PTPRD: variants seen among roughly 807,000 people sequenced by gnomAD.
The protein encoded by PTPRD is protein tyrosine phosphatase receptor type D.
Under a neutral mutation model 214.5 loss-of-function variants are expected in PTPRD, and 34 were observed. That is an observed-to-expected ratio of 0.16 (90% CI 0.12 to 0.21). PTPRD has a LOEUF of 0.21. Among genes scored for constraint, PTPRD ranks in the 10% least tolerant of loss-of-function variants. The pLI is 1.00. For missense variants in PTPRD, 2,545 were observed against 2,398.7 expected (o/e 1.06, Z -1.27); for synonymous variants, 1,128 against 845.7 (o/e 1.33, Z -5.79).
At chr9:10,510,631 G>A (rs1162706346) in intron 2 of PTPRD, among the ~76,000 whole-genome samples, 1 of 152,008 alleles carries the variant, frequency 6.6e-6, no homozygotes, top group Admixed American at 6.6e-5. Context: ...ATTTTAACAT[G>A]AGCATGCAAG....
intron 13 of PTPRD, among the ~76,000 whole-genome samples, chr9:8,634,378 T>A (rs2096359784): frequency 6.6e-6 from 1 of 152,086 alleles, no homozygotes; most frequent in African/African-American, 2.4e-5. Context: ...TCACTGTGAA[T>A]ATTCCCATGT....
At chr9:8,811,509 C>T (rs2096802514) in intron 11 of PTPRD, among the ~76,000 whole-genome samples, 1 of 152,130 alleles carries the variant, frequency 6.6e-6, no homozygotes, top group Non-Finnish European at 1.5e-5. Flanking sequence ...TTAGCTATAA[C>T]CATAACCCAA....
At chr9:8,553,757 A>G (rs1415641929) in intron 14 of PTPRD, among the ~76,000 whole-genome samples, 2 of 152,100 alleles carry the variant, frequency 1.3e-5, no homozygotes, top group African/African-American at 2.4e-5. Flanking sequence ...ATGCTCAGAG[A>G]ACCTATATAA....
At chr9:9,157,727 A>G (rs2154492480) in intron 10 of PTPRD, among the ~76,000 whole-genome samples, 1 of 152,020 alleles carries the variant, frequency 6.6e-6, no homozygotes, top group South Asian at 2.1e-4. Context: ...TTCAACTTTT[A>G]TTTAAAGTTC....
At chr9:9,986,964 G>T (rs1017403670) in intron 4 of PTPRD, among the ~76,000 whole-genome samples, 5 of 151,844 alleles carry the variant, frequency 3.3e-5, no homozygotes, top group Non-Finnish European at 4.4e-5. Flanking sequence ...CCTATTTCCT[G>T]AACAGGAATA....
intron 10 of PTPRD, among the ~76,000 whole-genome samples, chr9:9,135,702 T>G (rs1326896003): frequency 6.6e-6 from 1 of 152,216 alleles, no homozygotes; most frequent in Non-Finnish European, 1.5e-5. Flanking sequence ...GTCAAAATAT[T>G]GTGAGCATAT....
intron 11 of PTPRD, among the ~76,000 whole-genome samples, chr9:8,808,459 C>A (rs1268779265): frequency 7.7e-6 from 1 of 130,584 alleles, no homozygotes; most frequent in Non-Finnish European, 1.6e-5. Context: ...AAAAGCCCCC[C>A]ACCTTTTTTT....
chr9:9,046,997 A>G (rs909205974), intron 10 of PTPRD, among the ~76,000 whole-genome samples: 6 of 152,180 alleles, frequency 3.9e-5, no homozygotes, highest in African/African-American at 1.4e-4. Flanking sequence ...TGCAGATGGT[A>G]TGATCTTATA....
intron 3 of PTPRD, among the ~76,000 whole-genome samples, chr9:10,328,277 T>A (rs1268796175): frequency 6.6e-6 from 1 of 151,742 alleles, no homozygotes; most frequent in African/African-American, 2.4e-5. Context: ...GAGACACATA[T>A]TAAGTTTTTT....
intron 8 of PTPRD, among the ~76,000 whole-genome samples, chr9:9,410,429 G>A (rs1306612839): frequency 1.3e-5 from 2 of 152,070 alleles, no homozygotes; most frequent in African/African-American, 2.4e-5. Flanking sequence ...TGTTTCCTAT[G>A]TCCAGCTTAC....
chr9:8,744,737 T>C (rs2092592876), intron 11 of PTPRD, among the ~76,000 whole-genome samples: 1 of 152,122 alleles, frequency 6.6e-6, no homozygotes, highest in African/African-American at 2.4e-5. Context: ...ATCTCAGAAA[T>C]CACCGCTAGA....
At chr9:8,609,807 C>A (rs1281775794) in intron 14 of PTPRD, among the ~76,000 whole-genome samples, 1 of 152,032 alleles carries the variant, frequency 6.6e-6, no homozygotes, top group African/African-American at 2.4e-5. Context: ...TGAGGTTTTC[C>A]CTTAATCATT....
chr9:9,147,930 G>A (rs768529807), intron 10 of PTPRD, among the ~76,000 whole-genome samples: 1 of 152,140 alleles, frequency 6.6e-6, no homozygotes, highest in Non-Finnish European at 1.5e-5. Flanking sequence ...CTCAGCAATT[G>A]GTGCTTTACT....
At chr9:8,952,518 T>C (rs2099108142) in intron 11 of PTPRD, among the ~76,000 whole-genome samples, 2 of 151,966 alleles carry the variant, frequency 1.3e-5, no homozygotes, top group Admixed American at 6.6e-5. Context: ...TCACACATTA[T>C]CCCAAATTAA....
At chr9:9,955,680 T>C (rs12685546) in intron 4 of PTPRD, among the ~76,000 whole-genome samples, 7,997 of 152,028 alleles carry the variant, frequency 0.053, 338 homozygotes, top group East Asian at 0.23. Flanking sequence ...CCCGCCACCA[T>C]GCCCGACTAA....
intron 11 of PTPRD, among the ~76,000 whole-genome samples, chr9:8,966,621 G>A (rs975227360): frequency 6.6e-6 from 1 of 151,966 alleles, no homozygotes; most frequent in Non-Finnish European, 1.5e-5. Flanking sequence ...ATGGATTAAA[G>A]ATTTAAATGT....
intron 3 of PTPRD, among the ~76,000 whole-genome samples, chr9:10,138,573 C>T (rs2098959337): frequency 1.3e-5 from 2 of 152,074 alleles, no homozygotes; most frequent in Admixed American, 1.3e-4. Flanking sequence ...ATGAAGCCAA[C>T]ATCATCCTGA....
intron 12 of PTPRD, among the ~76,000 whole-genome samples, chr9:8,675,772 C>G (rs973265775): frequency 6.6e-6 from 1 of 152,156 alleles, no homozygotes; most frequent in Admixed American, 6.5e-5. Context: ...CACTCTGATT[C>G]AGTCTCTTGC....
At chr9:8,451,982 C>T (rs2095975884) in intron 33 of PTPRD, 1 of 381,928 alleles carries the variant, frequency 2.6e-6, no homozygotes, top group Non-Finnish European at 5.1e-6. Context: ...AAAGAAAACT[C>T]TCTAAAGTAA....
Sources: allele counts gnomAD v4.1 joint callset (sites outside exome capture counted in the v4.1 genomes callset), GRCh38; gene constraint gnomAD v4.1.1; transcripts MANE v1.5; gene names NCBI Gene and HGNC (gene_info 2026-07-23, HGNC 2026-07-21).